The following CLDN16 variants were observed in gnomAD, a reference collection of about 807,000 sequenced individuals.
CLDN16 encodes claudin-16.
A neutral mutation model predicts 24.6 loss-of-function variants in CLDN16; 13 were observed. The ratio of observed to expected loss-of-function variants is 0.53; its 90% confidence interval spans 0.34 to 0.84. The LOEUF (loss-of-function observed/expected upper bound fraction) is 0.84, where lower values mean the gene tolerates loss of function less well. CLDN16 is among the 40% of genes least tolerant of loss of function. The probability of loss-of-function intolerance (pLI) is 0.01; values close to 1 mark genes in which losing one functional copy is unlikely to be tolerated. For synonymous variants in CLDN16, 116 were observed against 106.7 expected (o/e 1.09, Z -0.54); for missense variants, 298 against 292.7 (o/e 1.02, Z -0.13).
At chr3:190,308,318 A>T in the CLDN16 span, 3 of 1,613,816 alleles carry the variant, frequency 1.9e-6, no homozygotes, top group Non-Finnish European at 2.5e-6. Context: ...GGTTTTGGAT[A>T]GGGCCTTGGT....
chr3:190,299,794 G>A, the CLDN16 span, among the ~76,000 whole-genome samples: 1 of 152,140 alleles, frequency 6.6e-6, no homozygotes, highest in African/African-American at 2.4e-5. Context: ...CACCCACTGA[G>A]GATTTATGAA....
At chr3:190,350,182 A>G (rs1717640410) in intron 1 of CLDN16, among the ~76,000 whole-genome samples, 1 of 152,086 alleles carries the variant, frequency 6.6e-6, no homozygotes, top group Non-Finnish European at 1.5e-5. Context: ...AATCCAGTAG[A>G]AATATTTTCA....
At chr3:190,317,457 G>A in the CLDN16 span, among the ~76,000 whole-genome samples, 9 of 152,134 alleles carry the variant, frequency 5.9e-5, no homozygotes, top group Non-Finnish European at 7.4e-5. Context: ...GACAAGAAGT[G>A]AGTTGGAAGT....
chr3:190,315,573 C>G, the CLDN16 span, among the ~76,000 whole-genome samples: 1 of 152,116 alleles, frequency 6.6e-6, no homozygotes, highest in Non-Finnish European at 1.5e-5. Flanking sequence ...ATTTCTATGA[C>G]AGCACTTCAA....
intron 1 of CLDN16, 32 bp from the exon 2 acceptor site, chr3:190,402,305 T>C (rs746660695): frequency 1.3e-6 from 2 of 1,523,446 alleles, no homozygotes; most frequent in South Asian, 1.1e-5. Context: ...CCTGCATGAA[T>C]TGTTTCACAC....
chr3:190,384,596 A>G (rs1186555475), upstream of CLDN16, among the ~76,000 whole-genome samples: 2 of 152,176 alleles, frequency 1.3e-5, no homozygotes, highest in Non-Finnish European at 2.9e-5. Context: ...GGTCTTAGAG[A>G]TCTTGCAAAA....
Position 190,388,353 on chromosome 3 carries a change from C to G in CLDN16, c.24C>G (p.Ile8Met). The change falls in exon 1 of 5, where the codon ATC becomes ATG. Residue 8 changes from isoleucine (I) to methionine (M), a missense_variant. Physicochemically the swap from Ile to Met is conservative, Grantham distance 10. Coordinates refer to ENST00000264734, the MANE Select transcript of CLDN16 (RefSeq NM_006580.4). ...CAATGAGGGATCTTCTTCAATACAT[C>G]GCTTGCTTCTTTGCCTTTTTCTCTG... MRDLLQY[I>M]ACFFAFFSAG... 1.9e-6 allele frequency: 3 copies of G among 1,614,088 alleles called. No homozygotes were observed. The highest frequency in any genetic ancestry group is 2.5e-6 in the Non-Finnish European group (3 of 1,180,004).
At chr3:190,335,653 A>G (rs113140944) in intron 1 of CLDN16, among the ~76,000 whole-genome samples, 4,661 of 139,016 alleles carry the variant, frequency 0.034, 110 homozygotes, top group East Asian at 0.091. Flanking sequence ...CGGAGCTTGC[A>G]GTGAGCCGAG....
the CLDN16 span, among the ~76,000 whole-genome samples, chr3:190,294,005 T>G: frequency 3.9e-5 from 6 of 152,178 alleles, no homozygotes; most frequent in Non-Finnish European, 8.8e-5. Context: ...TCTGGAGTTT[T>G]AAGTTTGTGA....
upstream of CLDN16, among the ~76,000 whole-genome samples, chr3:190,384,455 G>C (rs1023226502): frequency 5.3e-5 from 8 of 152,132 alleles, no homozygotes; most frequent in African/African-American, 1.7e-4. Flanking sequence ...TCCTTTAATA[G>C]ACCAACAGCC....
chr3:190,330,765 T>C (rs1231174731), intron 1 of CLDN16, among the ~76,000 whole-genome samples: 1 of 152,154 alleles, frequency 6.6e-6, no homozygotes, highest in Non-Finnish European at 1.5e-5. Flanking sequence ...ATAAGATGAA[T>C]TATAAATAAT....
chr3:190,405,212 T>C (rs1479644781), intron 3 of CLDN16, among the ~76,000 whole-genome samples: 3 of 152,086 alleles, frequency 2.0e-5, no homozygotes, highest in Admixed American at 6.6e-5. Flanking sequence ...GGCAGATCAC[T>C]TGAGGCCAGG....
chr3:190,386,585 C>T (rs1718503185), upstream of CLDN16, among the ~76,000 whole-genome samples: 1 of 152,124 alleles, frequency 6.6e-6, no homozygotes, highest in Non-Finnish European at 1.5e-5. Flanking sequence ...GAGATTTCAT[C>T]ACGCTATTCA....
intron 3 of CLDN16, among the ~76,000 whole-genome samples, chr3:190,380,742 A>G (rs145326067): frequency 0.094 from 14,298 of 152,100 alleles, 897 homozygotes; most frequent in Non-Finnish European, 0.14. Flanking sequence ...GCGCCATTGC[A>G]CTCCAGCCTG....
intron 1 of CLDN16, among the ~76,000 whole-genome samples, chr3:190,355,162 CTCTT>C (rs1249649545): frequency 2.0e-5 from 3 of 151,972 alleles, no homozygotes; most frequent in Admixed American, 6.6e-5. Flanking sequence ...AATCTGGTCT[CTCTT>C]TCTCACACCA....
At chr3:190,332,604 C>T (rs1717206699) in intron 1 of CLDN16, among the ~76,000 whole-genome samples, 2 of 152,072 alleles carry the variant, frequency 1.3e-5, no homozygotes, top group Non-Finnish European at 2.9e-5. Flanking sequence ...CTAAGGTCTC[C>T]TCCGACACTT....
Position 190,410,779 on chromosome 3 carries a change from C to T in CLDN16, c.*743C>T, listed in dbSNP as rs946655268. On this transcript the variant is annotated 3_prime_UTR_variant, in exon 5 of 5. Transcript: ENST00000264734. ...CAAATGATTAGACTACAGAATAGTT[C>T]AACCAGAGAATTTACTCATTTATTG... 6.6e-6 allele frequency: 1 copy of T among 152,116 alleles called. No individual in the cohort carries two copies. The highest frequency in any genetic ancestry group is 6.6e-5 in the Admixed American group (1 of 15,264). 9.4% of individuals were successfully genotyped at this position (152,116 alleles called of 1,614,324 possible). A position where few individuals can be genotyped will look rare whatever the true frequency, so the allele number is the denominator to read the frequency against.
chr3:190,334,978 T>C (rs1446454015), intron 1 of CLDN16, among the ~76,000 whole-genome samples: 2 of 151,898 alleles, frequency 1.3e-5, no homozygotes, highest in Non-Finnish European at 2.9e-5. Flanking sequence ...ATTCTTTTAT[T>C]TTTCTTTTCT....
the CLDN16 span, among the ~76,000 whole-genome samples, chr3:190,292,800 C>A: frequency 1.3e-5 from 2 of 152,162 alleles, no homozygotes; most frequent in Non-Finnish European, 2.9e-5. Flanking sequence ...GTAAGTTCCT[C>A]ATCTCCATCT....
Sources: allele counts gnomAD v4.1 joint callset (sites outside exome capture counted in the v4.1 genomes callset), GRCh38; gene constraint gnomAD v4.1.1; transcripts MANE v1.5; gene names NCBI Gene and HGNC (gene_info 2026-07-23, HGNC 2026-07-21).